DRC10: variants seen among roughly 807,000 people sequenced by gnomAD.
DRC10 encodes IQ domain-containing protein D.
chr12:113,213,965 C>T, the DRC10 span, among the ~76,000 whole-genome samples: 3 of 151,766 alleles, frequency 2.0e-5, no homozygotes, highest in South Asian at 2.1e-4. Context: ...AAACAAAAAA[C>T]AAAAAAACCA....
At chr12:113,197,682 C>T in the DRC10 span, 1 of 959,928 alleles carries the variant, frequency 1.0e-6, no homozygotes, top group Admixed American at 2.0e-5. Context: ...GCACTCTCTG[C>T]ATCACTAGGC....
the DRC10 span, chr12:113,199,903 G>A: frequency 5.9e-6 from 1 of 169,396 alleles, no homozygotes; most frequent in South Asian, 1.4e-4. Flanking sequence ...TTTATTCTTT[G>A]TACAGACAGG....
At chr12:113,208,403 T>G in the DRC10 span, 3 of 1,314,044 alleles carry the variant, frequency 2.3e-6, no homozygotes, top group Non-Finnish European at 2.9e-6. Context: ...TGGAAGCAGT[T>G]TTCAGCTTTG....
chr12:113,207,225 G>A, the DRC10 span: 2 of 621,666 alleles, frequency 3.2e-6, no homozygotes, highest in Non-Finnish European at 5.7e-6. Flanking sequence ...GCATACGCCT[G>A]TAATCCCAAC....
the DRC10 span, among the ~76,000 whole-genome samples, chr12:113,201,880 T>C: frequency 0.013 from 1,920 of 152,324 alleles, 28 homozygotes; most frequent in South Asian, 0.054. Flanking sequence ...GCTGGGAATA[T>C]GATCGGCAGT....
the DRC10 span, among the ~76,000 whole-genome samples, chr12:113,213,775 A>G: frequency 6.6e-6 from 1 of 152,134 alleles, no homozygotes; most frequent in South Asian, 2.1e-4. Context: ...CCTGGCCAAC[A>G]TGGTGAAACC....
At chr12:113,216,055 G>A in the DRC10 span, among the ~76,000 whole-genome samples, 1 of 152,132 alleles carries the variant, frequency 6.6e-6, no homozygotes, top group African/African-American at 2.4e-5. Flanking sequence ...ACAAAAACCT[G>A]CACACACAAA....
the DRC10 span, chr12:113,203,031 TC>T: frequency 2.2e-6 from 1 of 454,814 alleles, no homozygotes; most frequent in Admixed American, 2.4e-5. Context: ...TGCTACTGTT[TC>T]CCTTTTTTTT....
chr12:113,205,498 C>G, the DRC10 span, among the ~76,000 whole-genome samples: 11 of 152,112 alleles, frequency 7.2e-5, no homozygotes, highest in African/African-American at 2.7e-4. Context: ...TTCAAAGGGA[C>G]TTTCCTCCCA....
the DRC10 span, among the ~76,000 whole-genome samples, chr12:113,220,289 TC>T: frequency 6.6e-6 from 1 of 152,180 alleles, no homozygotes; most frequent in Non-Finnish European, 1.5e-5. Context: ...AGAGTCTTGC[TC>T]TGTTGCCCGG....
the DRC10 span, chr12:113,195,640 C>T: frequency 1.4e-4 from 220 of 1,613,226 alleles, no homozygotes; most frequent in Middle Eastern, 2.0e-3. Flanking sequence ...TTTGCTTTGC[C>T]CTTGCCCCGC....
At chr12:113,209,477 G>T in the DRC10 span, among the ~76,000 whole-genome samples, 116 of 152,126 alleles carry the variant, frequency 7.6e-4, no homozygotes, top group Non-Finnish European at 1.4e-3. Flanking sequence ...CTCCAGCCTC[G>T]ACCTACTGGG....
At chr12:113,219,185 G>A in the DRC10 span, among the ~76,000 whole-genome samples, 19 of 152,036 alleles carry the variant, frequency 1.2e-4, no homozygotes, top group African/African-American at 4.6e-4. Context: ...ACAGGGACCC[G>A]CCAGCATGCC....
At chr12:113,217,685 C>A in the DRC10 span, among the ~76,000 whole-genome samples, 1 of 152,184 alleles carries the variant, frequency 6.6e-6, no homozygotes, top group African/African-American at 2.4e-5. Flanking sequence ...GTGCGTGTTA[C>A]CACGCTTGGC....
chr12:113,198,816 T>G, the DRC10 span, among the ~76,000 whole-genome samples: 22 of 152,190 alleles, frequency 1.4e-4, no homozygotes, highest in Non-Finnish European at 2.6e-4. Context: ...ATAAGCAGGC[T>G]GGGCCAGTGG....
the DRC10 span, among the ~76,000 whole-genome samples, chr12:113,199,425 T>TAAATAAATAAAC: frequency 3.3e-5 from 5 of 151,760 alleles, no homozygotes; most frequent in African/African-American, 9.7e-5. Flanking sequence ...AATAAATAAA[T>TAAATAAATAAAC]AAACCCCCTA....
At chr12:113,202,885 T>G in the DRC10 span, 3 of 299,090 alleles carry the variant, frequency 1.0e-5, no homozygotes, top group Non-Finnish European at 7.0e-6. Flanking sequence ...ATTTTGGGTG[T>G]CTCTGTTATA....
chr12:113,213,188 A>AAC, the DRC10 span, among the ~76,000 whole-genome samples: 181 of 150,676 alleles, frequency 1.2e-3, no homozygotes, highest in Non-Finnish European at 2.2e-3. Flanking sequence ...AAAAAAAAAA[A>AAC]AAAAAAAAAA....
At chr12:113,215,713 T>C in the DRC10 span, among the ~76,000 whole-genome samples, 1 of 152,344 alleles carries the variant, frequency 6.6e-6, no homozygotes, top group East Asian at 1.9e-4. Context: ...TGGTTATATC[T>C]AAGTGTAGAC....
Sources: gnomAD v4.1 joint callset for allele counts (sites outside exome capture counted in the v4.1 genomes callset) on GRCh38, gnomAD v4.1.1 for gene constraint, MANE v1.5 for transcripts, NCBI Gene and HGNC (gene_info 2026-07-23, HGNC 2026-07-21) for gene names.